Variants in MID1 observed in about 807,000 individuals in gnomAD.
MID1 encodes midline 1.
MID1 carries 7 observed loss-of-function variants against 40.4 expected under a neutral mutation model. The ratio of observed to expected loss-of-function variants is 0.17; its 90% CI spans 0.10 to 0.33. MID1 has a LOEUF of 0.33. Ranked by LOEUF, MID1 falls within the 10% of genes least tolerant of loss-of-function variation. The pLI is 1.00. For missense variants in MID1, 367 were observed against 558.5 expected (o/e 0.66, Z 3.46); for synonymous variants, 229 against 221.2 (o/e 1.04, Z -0.31).
At chrX:10,634,946 C>T (rs935997400) in intron 1 of MID1, among the ~76,000 whole-genome samples, 5 of 112,629 alleles carry the variant, frequency 4.4e-5, no homozygotes, top group Non-Finnish European at 7.5e-5. Flanking sequence ...ATGCATCCCG[C>T]GAAGCTGACC....
At chrX:10,807,207 T>C (rs1299065841) in intron 1 of MID1, among the ~76,000 whole-genome samples, 1 of 110,482 alleles carries the variant, frequency 9.1e-6, no homozygotes, top group African/African-American at 3.3e-5. Context: ...ATCATGCCAT[T>C]GCACTCCAGC....
chrX:10,805,043 G>GT (rs199602375), intron 1 of MID1, among the ~76,000 whole-genome samples: 41 of 108,941 alleles, frequency 3.8e-4, no homozygotes, highest in East Asian at 1.5e-3. Flanking sequence ...GCTCCCAGTA[G>GT]TTTTTTTTTG....
At chrX:10,546,908 TGAA>T (rs1416716891) in intron 2 of MID1, among the ~76,000 whole-genome samples, 2 of 112,487 alleles carry the variant, frequency 1.8e-5, no homozygotes, top group Non-Finnish European at 3.8e-5. Context: ...GACACTTCCT[TGAA>T]GAAGACAGAA....
intron 1 of MID1, among the ~76,000 whole-genome samples, chrX:10,709,882 GA>G (rs2147088180): frequency 8.9e-6 from 1 of 112,252 alleles, no homozygotes; most frequent in African/African-American, 3.2e-5. Context: ...GAAAGGAAGT[GA>G]AAAAGTCAGC....
rs1931530105 is a variant in MID1, at chrX:10,501,316, G to A, written c.757-5625C>T. On this transcript the variant is annotated intron_variant, in intron 3 of 9. Coordinates refer to ENST00000317552, the MANE Select transcript of MID1 (RefSeq NM_000381.4). Reference sequence around the variant, plus strand: ...TTTTTCTCACCTCAAGTACACTCATGAGCAAATATCACATTAGCCCACCAG... The same window carrying A: ...TTTTTCTCACCTCAAGTACACTCATAAGCAAATATCACATTAGCCCACCAG... 4.5e-6 allele frequency: 4 copies of A among 886,982 alleles called. No individual in the cohort carries two copies. The Admixed American group carries it at 1.1e-4, about 24-fold the overall frequency. The allele number at this position is 886,982 out of a possible 1,213,427, so 73.1% of individuals were successfully genotyped here. A position where few individuals can be genotyped will look rare whatever the true frequency, so the allele number is the denominator to read the frequency against.
chrX:10,597,235 T>C (rs900306806), intron 1 of MID1, among the ~76,000 whole-genome samples: 6 of 111,885 alleles, frequency 5.4e-5, no homozygotes, highest in Non-Finnish European at 1.9e-5. Flanking sequence ...CTAGTCATTT[T>C]CTGTACCTCT....
At chrX:10,796,060 G>C (rs1343536044) in intron 1 of MID1, among the ~76,000 whole-genome samples, 1 of 112,175 alleles carries the variant, frequency 8.9e-6, no homozygotes, top group African/African-American at 3.2e-5. Context: ...TGGGAAGAAA[G>C]AATAAGCAAG....
chrX:10,826,462 G>A (rs1348240255), intron 1 of MID1, among the ~76,000 whole-genome samples: 2 of 111,904 alleles, frequency 1.8e-5, no homozygotes, highest in African/African-American at 6.5e-5. Flanking sequence ...CAAAAACCGC[G>A]ATTACTTTTG....
At chrX:10,751,078 A>G (rs2188375) in intron 1 of MID1, among the ~76,000 whole-genome samples, 4,000 of 110,229 alleles carry the variant, frequency 0.036, 199 homozygotes, top group African/African-American at 0.13. Flanking sequence ...CAGCTTGGCC[A>G]ACATGGCAAA....
rs748975779 is a variant in MID1 at position 10,519,562 on chromosome X, T to C, written c.756+3530A>G. Among the ~76,000 whole-genome samples the C allele has an allele frequency of 9.8e-5, 11 of 111,835 alleles. No individual in the cohort carries two copies. The East Asian group carries it at 3.1e-3, about 32-fold the overall frequency. On this transcript the variant is annotated intron_variant, in intron 3 of 9. Transcript: ENST00000317552. The stretch of plus-strand genomic sequence containing the variant: ...AACACTGATTCTACCCTGACAATCA[T>C]GTAGCTTTTAAAGCAAGAGGGTCTA...
Position 10,728,351 on chromosome X carries a change from T to C in MID1, c.-187+105203A>G, listed in dbSNP as rs2043413265. On this transcript the variant is annotated intron_variant, in intron 1 of 10. Transcript: ENST00000380785. The stretch of plus-strand genomic sequence containing the variant: ...CTCATCTTCATCTCTTCCCCCTCCT[T>C]CCACATCACACTTCTTGGAACAGTG... 3.6e-5 allele frequency among the ~76,000 whole-genome samples: 4 copies of C among 111,515 alleles called. No homozygotes were observed. In the Admixed American group the frequency reaches 3.8e-4, roughly 11 times the overall value.
At chrX:10,691,949 G>A (rs1432685245) in intron 1 of MID1, among the ~76,000 whole-genome samples, 1 of 111,421 alleles carries the variant, frequency 9.0e-6, no homozygotes, top group African/African-American at 3.3e-5. Context: ...GTTGAGATAA[G>A]GACTGAAATA....
chrX:10,604,957 C>T (rs1470998003), intron 1 of MID1, among the ~76,000 whole-genome samples: 2 of 112,261 alleles, frequency 1.8e-5, no homozygotes, highest in Non-Finnish European at 3.8e-5. Context: ...TTTTTCTCTA[C>T]TAACATTTTA....
At chrX:10,787,486 TTTTTC>T (rs1326712132) in intron 1 of MID1, among the ~76,000 whole-genome samples, 1 of 74,117 alleles carries the variant, frequency 1.3e-5, no homozygotes, top group African/African-American at 5.0e-5. Flanking sequence ...GTTTTTTCTT[TTTTTC>T]TTTTCTTTTC....
intron 1 of MID1, among the ~76,000 whole-genome samples, chrX:10,601,098 T>C (rs1363972583): frequency 8.9e-6 from 1 of 112,706 alleles, no homozygotes; most frequent in Non-Finnish European, 1.9e-5. Flanking sequence ...GCTTCATAAT[T>C]ATTTGCTAAA....
In MID1 at chrX:10,458,061, G is replaced by A. The variant is rs777028724; in HGVS notation, c.1447+1585C>T. ...AATAGTCTAGGACCTTTTTGAGAGAGAAGCACACCTTAGGGAGTTGAAGAT... is the reference window on the plus strand; with the variant it reads ...AATAGTCTAGGACCTTTTTGAGAGAAAAGCACACCTTAGGGAGTTGAAGAT... On this transcript the variant is annotated intron_variant, in intron 8 of 9. Coordinates refer to ENST00000317552, the MANE Select transcript of MID1 (RefSeq NM_000381.4). Among the ~76,000 whole-genome samples the A allele has an allele frequency of 5.3e-5, 6 of 112,633 alleles. No homozygotes were observed. The South Asian group carries it at 1.8e-3, about 35-fold the overall frequency.
intron 1 of MID1, among the ~76,000 whole-genome samples, chrX:10,772,488 G>A (rs1483200679): frequency 9.1e-6 from 1 of 109,430 alleles, no homozygotes; most frequent in East Asian, 2.8e-4. Context: ...TGGGTGCACT[G>A]AAACCTCACA....
At chrX:10,544,241 C>T (rs977392290) in intron 2 of MID1, among the ~76,000 whole-genome samples, 8 of 110,144 alleles carry the variant, frequency 7.3e-5, no homozygotes, top group Admixed American at 1.9e-4. Flanking sequence ...CCAGAAAATG[C>T]CTGTTATGAT....
intron 1 of MID1, among the ~76,000 whole-genome samples, chrX:10,582,366 A>G (rs182550561): frequency 8.9e-6 from 1 of 112,103 alleles, no homozygotes; most frequent in African/African-American, 3.2e-5. Flanking sequence ...CTGGAATAAA[A>G]TCATTCAGTG....
Sources: gnomAD v4.1 joint callset for allele counts (sites outside exome capture counted in the v4.1 genomes callset) on GRCh38, gnomAD v4.1.1 for gene constraint, MANE v1.5 for transcripts, NCBI Gene and HGNC (gene_info 2026-07-23, HGNC 2026-07-21) for gene names.